Variants in EYS observed in about 807,000 individuals in gnomAD.
The protein encoded by EYS is protein eyes shut homolog.
Under a neutral mutation model 282.1 loss-of-function variants are expected in EYS, and 250 were observed. The ratio of observed to expected loss-of-function variants is 0.89; its 90% CI spans 0.80 to 0.98. The LOEUF (loss-of-function observed/expected upper bound fraction) is 0.98, where lower values mean the gene tolerates loss of function less well. Ranked by LOEUF, EYS falls within the 50% of genes least tolerant of loss-of-function variation. EYS has a pLI of 0.00. For missense variants in EYS, 4,016 were observed against 3,709.0 expected, an observed-to-expected ratio of 1.08 and a Z score of -2.15; for synonymous variants, 1,355 against 1,282.9, an observed-to-expected ratio of 1.06 and a Z score of -1.20.
chr6:65,670,176 G>A (rs1345298717), intron 1 of EYS, among the ~76,000 whole-genome samples: 1 of 151,852 alleles, frequency 6.6e-6, no homozygotes, highest in Non-Finnish European at 1.5e-5. Context: ...CTCTAGTTTA[G>A]ATGCCTTCTA....
intron 2 of EYS, among the ~76,000 whole-genome samples, chr6:65,501,895 A>T (rs1170397477): frequency 3.3e-5 from 5 of 151,730 alleles, no homozygotes. Context: ...AGCATCATAC[A>T]TTTACCAACA....
intron 29 of EYS, among the ~76,000 whole-genome samples, chr6:64,320,998 T>C (rs902831705): frequency 6.6e-6 from 1 of 151,762 alleles, no homozygotes; most frequent in African/African-American, 2.4e-5. Context: ...CCCTTACTAT[T>C]ACCCTGATTC....
intron 35 of EYS, among the ~76,000 whole-genome samples, chr6:63,924,978 G>A (rs917844913): frequency 6.6e-6 from 1 of 152,118 alleles, no homozygotes; most frequent in African/African-American, 2.4e-5. Flanking sequence ...ATTGACACAG[G>A]ACCTAAGCAC....
intron 14 of EYS, among the ~76,000 whole-genome samples, chr6:64,996,638 T>C (rs1583375990): frequency 6.6e-6 from 1 of 150,860 alleles, no homozygotes; most frequent in South Asian, 2.1e-4. Context: ...ACCTCTGGAG[T>C]AACTCTGTTT....
intron 22 of EYS, among the ~76,000 whole-genome samples, chr6:64,799,150 C>T (rs902065986): frequency 6.6e-6 from 1 of 151,920 alleles, no homozygotes; most frequent in African/African-American, 2.4e-5. Context: ...GCATTTTTTA[C>T]AAGTCTCCAT....
chr6:65,634,309 C>T (rs1315429903), intron 2 of EYS, among the ~76,000 whole-genome samples: 2 of 152,106 alleles, frequency 1.3e-5, no homozygotes, highest in Non-Finnish European at 2.9e-5. Context: ...ATGAAATACA[C>T]TGTTAGTAGT....
chr6:63,967,116 T>C (rs1376818478), intron 35 of EYS, among the ~76,000 whole-genome samples: 1 of 152,158 alleles, frequency 6.6e-6, no homozygotes, highest in Non-Finnish European at 1.5e-5. Context: ...CACGAGTTCT[T>C]TGATAATGTG....
chr6:65,330,684 T>A (rs191820793), intron 11 of EYS: 2 of 938,634 alleles, frequency 2.1e-6, no homozygotes, highest in African/African-American at 3.6e-5. Flanking sequence ...ACATTATTAG[T>A]GTCTATCATT....
chr6:64,846,732 A>T (rs556317357), intron 19 of EYS, among the ~76,000 whole-genome samples: 203 of 152,254 alleles, frequency 1.3e-3, no homozygotes, highest in African/African-American at 4.4e-3. Flanking sequence ...AGGTAAATAC[A>T]TTATATTAAG....
In EYS at chr6:64,671,517, C is replaced by T. The variant is rs150050706; in HGVS notation, c.3444-45272G>A. On this transcript the variant is annotated intron_variant, in intron 22 of 42. Transcript: ENST00000503581. ...CCATGTATTATATTTTTGTTGTAGC[C>T]GACCAAAAGAGCTAAGAACCATCTT... 8.6e-3 allele frequency among the ~76,000 whole-genome samples: 1,313 copies of T among 151,988 alleles called. 13 individuals are homozygous for T. The highest frequency in any genetic ancestry group is 0.019 in the African/African-American group (807 of 41,440).
intron 22 of EYS, among the ~76,000 whole-genome samples, chr6:64,790,863 T>C (rs1774168272): frequency 6.6e-6 from 1 of 151,918 alleles, no homozygotes. Context: ...TTTATTTATT[T>C]TGCATTTTTC....
chr6:65,584,818 TACACATGCATGTATACACA>T (rs1764987679), intron 2 of EYS, among the ~76,000 whole-genome samples: 1 of 151,238 alleles, frequency 6.6e-6, no homozygotes, highest in Non-Finnish European at 1.5e-5. Flanking sequence ...ATATGTCTTT[TACACATGCATGTATACACA>T]CAAATACAAT....
chr6:63,831,618 G>A (rs1261882441), intron 36 of EYS, among the ~76,000 whole-genome samples: 2 of 152,046 alleles, frequency 1.3e-5, no homozygotes, highest in African/African-American at 4.8e-5. Flanking sequence ...AATAATAATG[G>A]GAGATTTTAA....
At chr6:65,039,084 C>T (rs1343100580) in intron 13 of EYS, among the ~76,000 whole-genome samples, 2 of 151,260 alleles carry the variant, frequency 1.3e-5, no homozygotes, top group Non-Finnish European at 3.0e-5. Context: ...TGTTCTAATA[C>T]AAAAATTCCT....
chr6:64,345,622 A>T (rs1771355361), intron 29 of EYS, among the ~76,000 whole-genome samples: 1 of 152,156 alleles, frequency 6.6e-6, no homozygotes, highest in Non-Finnish European at 1.5e-5. Context: ...AGGCAATATC[A>T]TTCAGGACAT....
chr6:65,239,604 T>G (rs1379416302), intron 12 of EYS, among the ~76,000 whole-genome samples: 1 of 152,054 alleles, frequency 6.6e-6, no homozygotes, highest in Non-Finnish European at 1.5e-5. Context: ...TAAGCAGAAA[T>G]GTAACAGAAC....
intron 35 of EYS, among the ~76,000 whole-genome samples, chr6:63,950,170 T>TCAAAAAACAAAAACAAAACAAAA (rs1765529305): frequency 7.0e-6 from 1 of 142,190 alleles, no homozygotes; most frequent in East Asian, 2.1e-4. Context: ...AGACTCCGTC[T>TCAAAAAACAAAAACAAAACAAAA]CAAAAAACAA....
chr6:64,690,182 C>A (rs550822167), intron 22 of EYS, among the ~76,000 whole-genome samples: 4 of 152,176 alleles, frequency 2.6e-5, no homozygotes, highest in African/African-American at 9.6e-5. Flanking sequence ...TGAACAGACA[C>A]TTCTCGAAAG....
chr6:65,622,807 G>A (rs1050906302), intron 2 of EYS, among the ~76,000 whole-genome samples: 1 of 150,812 alleles, frequency 6.6e-6, no homozygotes, highest in Non-Finnish European at 1.5e-5. Flanking sequence ...ACCCAGGCAG[G>A]AGTACAGTGG....
Sources: allele counts gnomAD v4.1 joint callset (sites outside exome capture counted in the v4.1 genomes callset), GRCh38; gene constraint gnomAD v4.1.1; transcripts MANE v1.5; gene names NCBI Gene and HGNC (gene_info 2026-07-23, HGNC 2026-07-21).